The following BMAL1 variants were observed in gnomAD, a reference collection of about 807,000 sequenced individuals.
BMAL1 encodes the protein basic helix-loop-helix ARNT like 1, also known as basic helix-loop-helix ARNT-like protein 1.
At chr11:13,325,576 C>G in the BMAL1 span, among the ~76,000 whole-genome samples, 1 of 151,630 alleles carries the variant, frequency 6.6e-6, no homozygotes, top group East Asian at 1.9e-4. Flanking sequence ...GTCCTTGGGT[C>G]TCAGGGAGGC....
chr11:13,325,877 A>G, the BMAL1 span, among the ~76,000 whole-genome samples: 1 of 151,466 alleles, frequency 6.6e-6, no homozygotes, highest in African/African-American at 2.4e-5. Context: ...ATTTTTTCAT[A>G]CTAGTCAAGT....
chr11:13,354,596 G>A, the BMAL1 span: 1 of 1,095,914 alleles, frequency 9.1e-7, no homozygotes, highest in Non-Finnish European at 1.3e-6. Flanking sequence ...TTGGTTTTTG[G>A]CTTTACCTTC....
At chr11:13,381,897 A>G in the BMAL1 span, among the ~76,000 whole-genome samples, 1 of 152,196 alleles carries the variant, frequency 6.6e-6, no homozygotes, top group African/African-American at 2.4e-5. Flanking sequence ...AAATCTGTTT[A>G]TATTGCCTGA....
At chr11:13,384,143 G>T in the BMAL1 span, among the ~76,000 whole-genome samples, 30 of 152,214 alleles carry the variant, frequency 2.0e-4, 1 homozygote, top group South Asian at 6.0e-3. Flanking sequence ...AAGTGAACCT[G>T]TCACTTTAAG....
chr11:13,378,872 C>T, the BMAL1 span: 2 of 158,816 alleles, frequency 1.3e-5, no homozygotes, highest in African/African-American at 2.4e-5. Flanking sequence ...TGATCTGGAC[C>T]TTAACAAAAC....
chr11:13,314,370 C>T, the BMAL1 span, among the ~76,000 whole-genome samples: 23 of 151,970 alleles, frequency 1.5e-4, no homozygotes, highest in African/African-American at 5.3e-4. Context: ...TGCAGCCAAG[C>T]AACAGATTCA....
the BMAL1 span, among the ~76,000 whole-genome samples, chr11:13,370,591 C>T: frequency 6.6e-6 from 1 of 152,174 alleles, no homozygotes. Flanking sequence ...TGAAGTCCTG[C>T]CACAATGAGT....
chr11:13,376,723 G>C, the BMAL1 span: 1 of 1,613,662 alleles, frequency 6.2e-7, no homozygotes, highest in Non-Finnish European at 8.5e-7. Flanking sequence ...CTGCCCTCTG[G>C]AGAAGGTAAC....
At chr11:13,279,032 A>G in the BMAL1 span, among the ~76,000 whole-genome samples, 3 of 152,106 alleles carry the variant, frequency 2.0e-5, no homozygotes, top group African/African-American at 7.2e-5. Flanking sequence ...CCTGCTGTCA[A>G]GTTCTCGCCG....
the BMAL1 span, among the ~76,000 whole-genome samples, chr11:13,278,632 G>A: frequency 6.6e-6 from 1 of 152,188 alleles, no homozygotes; most frequent in African/African-American, 2.4e-5. Context: ...GAACTTTCGT[G>A]GGGCCTGTGC....
the BMAL1 span, among the ~76,000 whole-genome samples, chr11:13,337,522 A>G: frequency 6.3e-4 from 96 of 152,318 alleles, no homozygotes; most frequent in African/African-American, 2.3e-3. Context: ...TTAGGCATGA[A>G]ATTACTTTGT....
At chr11:13,304,471 A>G in the BMAL1 span, among the ~76,000 whole-genome samples, 1 of 152,168 alleles carries the variant, frequency 6.6e-6, no homozygotes, top group Non-Finnish European at 1.5e-5. Flanking sequence ...TTGGAAAAGG[A>G]TATCTGAGTG....
At chr11:13,313,732 A>T in the BMAL1 span, among the ~76,000 whole-genome samples, 495 of 152,066 alleles carry the variant, frequency 3.3e-3, 3 homozygotes, top group African/African-American at 0.011. Context: ...CCACATTCCT[A>T]TCAACGTGAT....
the BMAL1 span, among the ~76,000 whole-genome samples, chr11:13,368,279 G>C: frequency 6.6e-6 from 1 of 152,218 alleles, no homozygotes; most frequent in Non-Finnish European, 1.5e-5. Flanking sequence ...GCAAGGACAG[G>C]CATCACTGAG....
the BMAL1 span, among the ~76,000 whole-genome samples, chr11:13,330,120 A>G: frequency 1.3e-5 from 2 of 152,358 alleles, no homozygotes; most frequent in African/African-American, 4.8e-5. Context: ...TAATTTCAGG[A>G]ACACGGAGTA....
At chr11:13,333,444 C>T in the BMAL1 span, among the ~76,000 whole-genome samples, 5 of 152,200 alleles carry the variant, frequency 3.3e-5, no homozygotes, top group Non-Finnish European at 7.3e-5. Context: ...AGATGTGGTT[C>T]TGAGAGCATT....
the BMAL1 span, among the ~76,000 whole-genome samples, chr11:13,299,196 A>G: frequency 6.6e-6 from 1 of 152,186 alleles, no homozygotes; most frequent in African/African-American, 2.4e-5. Context: ...TATTTAGAGC[A>G]AATTTTGGAG....
chr11:13,367,561 TGTG>T, the BMAL1 span, among the ~76,000 whole-genome samples: 3 of 151,162 alleles, frequency 2.0e-5, no homozygotes, highest in African/African-American at 4.9e-5. Context: ...ATTAGACAGG[TGTG>T]GTGGTGCGTG....
the BMAL1 span, chr11:13,355,296 T>A: frequency 1.2e-6 from 2 of 1,613,870 alleles, no homozygotes; most frequent in South Asian, 1.1e-5. Context: ...ATGATTAATA[T>A]GTAAGTTATC....
Sources: gnomAD v4.1 joint callset for allele counts (sites outside exome capture counted in the v4.1 genomes callset) on GRCh38, gnomAD v4.1.1 for gene constraint, MANE v1.5 for transcripts, NCBI Gene and HGNC (gene_info 2026-07-23, HGNC 2026-07-21) for gene names.